The following TCF7L2 variants were observed in gnomAD, a reference collection of about 807,000 sequenced individuals.
The protein encoded by TCF7L2 is transcription factor 7 like 2.
TCF7L2 carries 23 observed loss-of-function variants against 77.9 expected under a neutral mutation model. The observed-to-expected ratio is 0.30, with a 90% CI of 0.21 to 0.42. The LOEUF (loss-of-function observed/expected upper bound fraction) is 0.42, where lower values mean the gene tolerates loss of function less well. TCF7L2 is among the 10% of genes least tolerant of loss of function. The pLI is 1.00. For missense variants in TCF7L2, 654 were observed against 793.1 expected (o/e 0.82, Z 2.11); for synonymous variants, 413 against 340.2 (o/e 1.21, Z -2.36).
At chr10:113,078,848 T>C (rs1488912554) in intron 5 of TCF7L2, among the ~76,000 whole-genome samples, 1 of 151,960 alleles carries the variant, frequency 6.6e-6, no homozygotes, top group Non-Finnish European at 1.5e-5. Context: ...TTTTTTTTTT[T>C]CTGAGATGGA....
chr10:113,076,583 T>G (rs1357804315), intron 5 of TCF7L2, among the ~76,000 whole-genome samples: 1 of 152,252 alleles, frequency 6.6e-6, no homozygotes, highest in Non-Finnish European at 1.5e-5. Context: ...ATGCTGTTCT[T>G]GAAAGGAACC....
At chr10:113,123,790 C>T (rs1295009844) in intron 5 of TCF7L2, among the ~76,000 whole-genome samples, 4 of 152,120 alleles carry the variant, frequency 2.6e-5, no homozygotes, top group African/African-American at 9.7e-5. Context: ...TTCTTTGTAG[C>T]GTACCTTGAC....
At chr10:113,150,047 C>G (rs1038483224) in intron 8 of TCF7L2, among the ~76,000 whole-genome samples, 2 of 152,184 alleles carry the variant, frequency 1.3e-5, no homozygotes, top group Admixed American at 6.5e-5. Context: ...TTGAGATTAG[C>G]TCTTTCTGTC....
intron 4 of TCF7L2, among the ~76,000 whole-genome samples, chr10:113,000,459 C>G (rs74159634): frequency 0.018 from 2,802 of 152,138 alleles, 82 homozygotes; most frequent in African/African-American, 0.063. Context: ...CATAGTATGG[C>G]CGGTCTTTTT....
rs35916053 is a variant in TCF7L2 at position 113,018,444 on chromosome 10, CT to C, written c.451-21556del. ...GTCCTTGCAGGCTTTCTCCTGAGTC[CT>C]TTTTTTTTTTTTTTTTTTTTTTTTA... On this transcript the variant is annotated intron_variant, in intron 4 of 13. Transcript: ENST00000627217. Among the ~76,000 whole-genome samples the C allele has an allele frequency of 6.7e-3, 623 of 92,538 alleles. 1 individual carries two copies. Among genetic ancestry groups the C allele is most frequent in the South Asian group, 0.025 (55 of 2,218 alleles). 60.7% of individuals were successfully genotyped at this position (92,538 alleles called of 152,430 possible).
intron 6 of TCF7L2, among the ~76,000 whole-genome samples, chr10:113,143,101 T>C (rs896067267): frequency 8.5e-5 from 13 of 152,252 alleles, no homozygotes; most frequent in African/African-American, 3.1e-4. Flanking sequence ...TTCAATGGCA[T>C]ACATCAATTC....
At chr10:112,961,259 C>G (rs1014921134) in intron 3 of TCF7L2, among the ~76,000 whole-genome samples, 1 of 127,854 alleles carries the variant, frequency 7.8e-6, no homozygotes, top group Non-Finnish European at 1.6e-5. Flanking sequence ...AGGTGACCCC[C>G]CCCCCCCCAA....
At position 113,160,694 on chromosome 10, in the gene TCF7L2, A is replaced by G; in HGVS notation, c.1391+3A>G. The G allele has an allele frequency of 6.3e-7, 1 of 1,588,778 alleles. No individual in the cohort carries two copies. On this transcript the variant is annotated splice_donor_region_variant and intron_variant, in intron 13 of 13. Coordinates refer to ENST00000627217, the MANE Select transcript of TCF7L2 (RefSeq NM_001146274.2). ...ACTTTATGGTGCAAACCGTGCAGGT[A>G]TATTACCACTGCGAGGCCTTTGGGA...
intron 5 of TCF7L2, among the ~76,000 whole-genome samples, chr10:113,116,649 C>A: frequency 6.9e-6 from 1 of 145,522 alleles, no homozygotes; most frequent in South Asian, 2.5e-4. Context: ...GCTGCTTCCC[C>A]CCCGCCCGCC....
chr10:113,006,444 TTCC>T (rs2045570653), intron 4 of TCF7L2, among the ~76,000 whole-genome samples: 1 of 152,126 alleles, frequency 6.6e-6, no homozygotes, highest in African/African-American at 2.4e-5. Flanking sequence ...TTTTTTTTTC[TTCC>T]TTTCCTCCCC....
At chr10:113,026,911 T>C (rs571518339) in intron 4 of TCF7L2, among the ~76,000 whole-genome samples, 16 of 152,340 alleles carry the variant, frequency 1.1e-4, no homozygotes, top group African/African-American at 3.6e-4. Context: ...CCTGTCTAGA[T>C]GACATACTAA....
chr10:113,063,744 A>G (rs1262437863), intron 5 of TCF7L2, among the ~76,000 whole-genome samples: 1 of 152,168 alleles, frequency 6.6e-6, no homozygotes, highest in African/African-American at 2.4e-5. Flanking sequence ...AAGCAACAAG[A>G]AAAAGGAGCC....
At chr10:112,965,898 G>T (rs568375677) in intron 4 of TCF7L2, among the ~76,000 whole-genome samples, 41 of 152,162 alleles carry the variant, frequency 2.7e-4, no homozygotes, top group African/African-American at 9.9e-4. Context: ...TTGAGGCTGG[G>T]TGAGGTGGCT....
In TCF7L2 at chr10:113,011,133, G is replaced by A. The variant is rs568005216; in HGVS notation, c.451-28892G>A. Among the ~76,000 whole-genome samples, 31 of 152,338 alleles carry A rather than the reference G, an allele frequency of 2.0e-4. No individual in the cohort carries two copies. In the South Asian group the frequency reaches 6.2e-3, roughly 31 times the overall value. On this transcript the variant is annotated intron_variant, in intron 4 of 13. Transcript: ENST00000627217. ...AGTTGGAGTATCCTTAATGGTTAGT[G>A]GCAGGAGGGGAGGAGTGGTTCCTGG...
chr10:113,101,999 C>T (rs1442667486), intron 5 of TCF7L2, among the ~76,000 whole-genome samples: 2 of 146,976 alleles, frequency 1.4e-5, no homozygotes, highest in African/African-American at 2.5e-5. Context: ...ATTAGCCGGG[C>T]GTGGTGGTGT....
intron 5 of TCF7L2, among the ~76,000 whole-genome samples, chr10:113,076,109 G>A (rs981033166): frequency 2.2e-5 from 3 of 135,634 alleles, no homozygotes; most frequent in African/African-American, 5.6e-5. Flanking sequence ...GCACTCCAGC[G>A]TAGGCAACAG....
intron 4 of TCF7L2, among the ~76,000 whole-genome samples, chr10:112,979,405 G>A (rs2040056702): frequency 6.6e-6 from 1 of 152,148 alleles, no homozygotes; most frequent in Non-Finnish European, 1.5e-5. Context: ...AATTCGTTAG[G>A]ATTTTATACC....
chr10:113,157,835 G>A (rs866071084), intron 11 of TCF7L2, 186 bp from the exon 12 acceptor site: 20 of 580,374 alleles, frequency 3.4e-5, no homozygotes, highest in South Asian at 2.3e-4. Flanking sequence ...TGTCCCTCCA[G>A]CTGGGGTACA....
chr10:113,078,758 C>G (rs781173013), intron 5 of TCF7L2, among the ~76,000 whole-genome samples: 2 of 152,006 alleles, frequency 1.3e-5, no homozygotes, highest in Non-Finnish European at 2.9e-5. Context: ...TGCTATCTCC[C>G]TTGTCTTCAT....
Sources: allele counts gnomAD v4.1 joint callset (sites outside exome capture counted in the v4.1 genomes callset), GRCh38; gene constraint gnomAD v4.1.1; transcripts MANE v1.5; gene names NCBI Gene and HGNC (gene_info 2026-07-23, HGNC 2026-07-21).